Variants in LAPTM4B observed in about 807,000 individuals in gnomAD.
LAPTM4B encodes the protein lysosomal-associated transmembrane protein 4B.
LAPTM4B carries 26 observed loss-of-function variants against 28.5 expected under a neutral mutation model. The observed-to-expected ratio is 0.91, with a 90% CI of 0.67 to 1.27. The LOEUF is 1.27. LAPTM4B is among the 50% of genes most tolerant of loss of function. The pLI, the probability that LAPTM4B is intolerant of heterozygous loss-of-function variation, is 0.00. For synonymous variants in LAPTM4B, 109 were observed against 106.4 expected (o/e 1.02, Z -0.15); for missense variants, 288 against 285.8 (o/e 1.01, Z -0.06).
intron 6 of LAPTM4B, among the ~76,000 whole-genome samples, chr8:97,850,772 C>T (rs1008012437): frequency 2.1e-5 from 3 of 145,098 alleles, no homozygotes; most frequent in South Asian, 2.3e-4. Flanking sequence ...CTCACAATGA[C>T]TATTACATAC....
intron 6 of LAPTM4B, among the ~76,000 whole-genome samples, chr8:97,840,259 G>C (rs544689238): frequency 6.6e-6 from 1 of 152,130 alleles, no homozygotes; most frequent in African/African-American, 2.4e-5. Flanking sequence ...CCACTGTATT[G>C]GTATTTTATA....
intron 1 of LAPTM4B, among the ~76,000 whole-genome samples, chr8:97,781,057 T>A (rs375458507): frequency 2.0e-4 from 30 of 151,994 alleles, no homozygotes; most frequent in African/African-American, 7.2e-4. Flanking sequence ...TGGCGTGATC[T>A]CGGCTCACCA....
At position 97,851,425 on chromosome 8, in the gene LAPTM4B, C is replaced by T; in HGVS notation, c.632C>T (p.Thr211Ile). The part of the protein sequence containing the change: ...TVLLPPYDDA[T>I]VNGAAKEPPP... ...CTGCTACCCCCGTATGATGATGCCA[C>T]TGTGAATGGTGCTGCCAAGGAGCCA... Residue 211 changes from threonine to isoleucine, a missense_variant, in exon 7 of 7, where the codon ACT (threonine) becomes ATT (isoleucine). Thr to Ile is a moderately conservative substitution (Grantham distance 89). Coordinates refer to ENST00000521545, the MANE Select transcript of LAPTM4B (RefSeq NM_018407.6). 6.2e-7 allele frequency: 1 copy of T among 1,614,184 alleles called. No individual in the cohort carries two copies. The highest frequency in any genetic ancestry group is 1.1e-5 in the South Asian group (1 of 91,082).
chr8:97,800,774 G>A (rs781214619), intron 1 of LAPTM4B, among the ~76,000 whole-genome samples: 1 of 151,954 alleles, frequency 6.6e-6, no homozygotes, highest in African/African-American at 2.4e-5. Context: ...AGGATTACAG[G>A]CATGAGCCAC....
chr8:97,779,149 C>T (rs1020251804), intron 1 of LAPTM4B, among the ~76,000 whole-genome samples: 1 of 152,130 alleles, frequency 6.6e-6, no homozygotes, highest in African/African-American at 2.4e-5. Flanking sequence ...TGTGATTGCA[C>T]CCCTACACTC....
At chr8:97,830,692 G>T (rs534086509) in intron 6 of LAPTM4B, among the ~76,000 whole-genome samples, 1 of 152,194 alleles carries the variant, frequency 6.6e-6, no homozygotes, top group African/African-American at 2.4e-5. Context: ...ACCCAGTGGG[G>T]AAGGTTCTGT....
chr8:97,785,968 A>G (rs1816394391), intron 1 of LAPTM4B, among the ~76,000 whole-genome samples: 1 of 152,210 alleles, frequency 6.6e-6, no homozygotes, highest in Non-Finnish European at 1.5e-5. Flanking sequence ...AATGTGTATT[A>G]TGTTTGAATG....
chr8:97,834,904 G>A (rs1284312955), intron 6 of LAPTM4B, among the ~76,000 whole-genome samples: 1 of 152,164 alleles, frequency 6.6e-6, no homozygotes, highest in African/African-American at 2.4e-5. Flanking sequence ...CAGGCTTTTT[G>A]TTTTGGTTTC....
rs1817528538 is a variant in LAPTM4B, at chr8:97,851,809, G to C, written c.*335G>C. On this transcript the variant is annotated 3_prime_UTR_variant, in exon 7 of 7. Coordinates refer to ENST00000521545, the MANE Select transcript of LAPTM4B (RefSeq NM_018407.6). Reference sequence around the variant, plus strand: ...CCCAAAGTTGGGCATTTTTCTCTCTGTTCCCTCTCTTTTGAAAATGTAAAA... The same window carrying C: ...CCCAAAGTTGGGCATTTTTCTCTCTCTTCCCTCTCTTTTGAAAATGTAAAA... The C allele has an allele frequency of 3.6e-6, 1 of 281,436 alleles. No homozygotes were observed. 17.4% of individuals were successfully genotyped at this position (281,436 alleles called of 1,614,324 possible).
chr8:97,832,186 C>A (rs1817192022), intron 6 of LAPTM4B, among the ~76,000 whole-genome samples: 1 of 152,124 alleles, frequency 6.6e-6, no homozygotes, highest in African/African-American at 2.4e-5. Context: ...TTGAAAGACA[C>A]AAAGGTATGG....
chr8:97,851,356 C>T (rs1817520480), intron 6 of LAPTM4B, 41 bp from the exon 7 acceptor site: 1 of 1,493,272 alleles, frequency 6.7e-7, no homozygotes, highest in African/African-American at 1.4e-5. Context: ...AACGTGTGTG[C>T]TCTTCAAACA....
At chr8:97,806,038 A>C (rs1341570980) in intron 2 of LAPTM4B, among the ~76,000 whole-genome samples, 1 of 152,144 alleles carries the variant, frequency 6.6e-6, no homozygotes, top group Non-Finnish European at 1.5e-5. Context: ...GCTGTGCATA[A>C]TCTCCAGCAG....
chr8:97,823,350 T>TG (rs1491489139), intron 5 of LAPTM4B, among the ~76,000 whole-genome samples: 486 of 38,036 alleles, frequency 0.013, no homozygotes, highest in African/African-American at 0.055. Flanking sequence ...TATGGTTTTT[T>TG]TTTTTGTTTT....
chr8:97,838,124 G>A (rs1194715197), intron 6 of LAPTM4B, among the ~76,000 whole-genome samples: 2 of 152,332 alleles, frequency 1.3e-5, no homozygotes, highest in Non-Finnish European at 2.9e-5. Flanking sequence ...AGGCAGATGG[G>A]AGAGCTGTCA....
intron 1 of LAPTM4B, among the ~76,000 whole-genome samples, chr8:97,787,709 T>C (rs917057829): frequency 2.6e-5 from 4 of 152,242 alleles, no homozygotes; most frequent in Non-Finnish European, 5.9e-5. Flanking sequence ...TGTCCTTTTC[T>C]AAGTTCCCAA....
intron 6 of LAPTM4B, among the ~76,000 whole-genome samples, chr8:97,828,362 GAATTTAGTGATTAGT>G (rs1258553170): frequency 6.6e-6 from 1 of 152,110 alleles, no homozygotes; most frequent in Non-Finnish European, 1.5e-5. Flanking sequence ...AGCATATGTC[GAATTTAGTGATTAGT>G]AATAGCTTGG....
chr8:97,805,346 G>GTTT lies in LAPTM4B; in HGVS notation c.100-5_100-4insTTT. 5.8e-5 allele frequency: 51 copies of GTTT among 879,932 alleles called. No individual in the cohort carries two copies. The highest frequency in any genetic ancestry group is 7.6e-5 in the Non-Finnish European group (47 of 621,458). The allele number at this position is 879,932 out of a possible 1,614,324, so 54.5% of individuals were successfully genotyped here. ...ATTCTTTTTTTTTTTTTTTTTTCTT[G>GTTT]TTGCAGATCATCAATGCTGTGGTAC... is the stretch of plus-strand genomic sequence containing the variant. On this transcript the variant is annotated splice_region_variant and splice_polypyrimidine_tract_variant and intron_variant, in intron 1 of 6. Transcript: ENST00000521545.
chr8:97,777,294 C>T (rs1463192689), intron 1 of LAPTM4B, among the ~76,000 whole-genome samples: 4 of 151,578 alleles, frequency 2.6e-5, no homozygotes, highest in African/African-American at 9.7e-5. Context: ...TTGCAGGCGC[C>T]CGCCACTATG....
intron 1 of LAPTM4B, among the ~76,000 whole-genome samples, chr8:97,777,624 C>G (rs1161418990): frequency 6.6e-6 from 1 of 152,122 alleles, no homozygotes; most frequent in African/African-American, 2.4e-5. Flanking sequence ...TTTATAGTTT[C>G]AAGTTTCCTT....
Sources: gnomAD v4.1 joint callset for allele counts (sites outside exome capture counted in the v4.1 genomes callset) on GRCh38, gnomAD v4.1.1 for gene constraint, MANE v1.5 for transcripts, NCBI Gene and HGNC (gene_info 2026-07-23, HGNC 2026-07-21) for gene names.